RBMS3: variants seen among roughly 807,000 people sequenced by gnomAD.
The protein encoded by RBMS3 is RNA binding motif single stranded interacting protein 3, also known as RNA-binding motif, single-stranded-interacting protein 3.
In RBMS3, 27 loss-of-function variants were observed where a neutral mutation model predicts 66.8. The ratio of observed to expected loss-of-function variants is 0.40; its 90% confidence interval spans 0.30 to 0.56. The LOEUF is 0.56. RBMS3 is among the 20% of genes least tolerant of loss of function. The pLI, the probability that RBMS3 is intolerant of heterozygous loss-of-function variation, is 0.40. For synonymous variants in RBMS3, 188 were observed against 183.0 expected (o/e 1.03, Z -0.22); for missense variants, 513 against 549.5 (o/e 0.93, Z 0.66).
chr3:29,936,239 CAGATGTGAT>C, intron 11 of RBMS3, 43 bp downstream of exon 11: 1 of 1,540,932 alleles, frequency 6.5e-7, no homozygotes, highest in Non-Finnish European at 8.9e-7. Flanking sequence ...CTTTTTTGAT[CAGATGTGAT>C]ATTCTCCATT....
intron 3 of RBMS3, among the ~76,000 whole-genome samples, chr3:29,539,471 A>G (rs2045683379): frequency 6.6e-6 from 1 of 152,162 alleles, no homozygotes; most frequent in Admixed American, 6.5e-5. Flanking sequence ...TGTTCCATTT[A>G]CCAGCCCTTG....
intron 6 of RBMS3, among the ~76,000 whole-genome samples, chr3:29,782,896 G>T (rs1332913622): frequency 6.6e-6 from 1 of 152,030 alleles, no homozygotes; most frequent in African/African-American, 2.4e-5. Flanking sequence ...GCACTAGAAA[G>T]TCTCAGCAAT....
At chr3:29,426,441 G>T (rs1302546382) in intron 1 of RBMS3, among the ~76,000 whole-genome samples, 1 of 152,112 alleles carries the variant, frequency 6.6e-6, no homozygotes, top group African/African-American at 2.4e-5. Flanking sequence ...CCTCTGAATA[G>T]AATTCAATGA....
chr3:29,833,912 A>G (rs2058437342), intron 6 of RBMS3, among the ~76,000 whole-genome samples: 1 of 152,126 alleles, frequency 6.6e-6, no homozygotes, highest in African/African-American at 2.4e-5. Context: ...AAAGACAAAG[A>G]GAATTTTGAA....
At chr3:29,479,418 G>C (rs965856082) in intron 2 of RBMS3, among the ~76,000 whole-genome samples, 1 of 151,814 alleles carries the variant, frequency 6.6e-6, no homozygotes, top group African/African-American at 2.4e-5. Context: ...ATTTAAAGAT[G>C]TTCATGGAGG....
chr3:29,785,299 A>T (rs1332330678), intron 6 of RBMS3, among the ~76,000 whole-genome samples: 1 of 152,204 alleles, frequency 6.6e-6, no homozygotes, highest in East Asian at 1.9e-4. Flanking sequence ...CCAACAGCTT[A>T]TCAAAAAGAT....
At chr3:29,910,950 C>T (rs1174893070) in intron 10 of RBMS3, among the ~76,000 whole-genome samples, 15 of 152,110 alleles carry the variant, frequency 9.9e-5, no homozygotes, top group African/African-American at 2.9e-4. Flanking sequence ...AGGAATTAAA[C>T]GTACATTTTT....
chr3:29,604,874 A>G (rs540359254), intron 4 of RBMS3, among the ~76,000 whole-genome samples: 1 of 152,072 alleles, frequency 6.6e-6, no homozygotes, highest in African/African-American at 2.4e-5. Context: ...TTTGTCTACC[A>G]GCATATCTTT....
intron 5 of RBMS3, among the ~76,000 whole-genome samples, chr3:29,757,867 A>C (rs2055495432): frequency 6.6e-6 from 1 of 152,142 alleles, no homozygotes; most frequent in Admixed American, 6.5e-5. Context: ...GATTTTGCCA[A>C]CTTTTTTATT....
At chr3:29,925,149 C>G in intron 10 of RBMS3, 2 of 152,270 alleles carry the variant, frequency 1.3e-5, no homozygotes, top group East Asian at 3.9e-4. Flanking sequence ...TTTTTTAAAA[C>G]TTTAATTTTT....
intron 6 of RBMS3, among the ~76,000 whole-genome samples, chr3:29,832,804 G>A (rs571456782): frequency 3.3e-5 from 5 of 152,208 alleles, no homozygotes; most frequent in African/African-American, 1.2e-4. Context: ...AACTACTTAG[G>A]AGGCCTTGCC....
At chr3:29,740,442 CAG>C (rs2054585637) in intron 5 of RBMS3, among the ~76,000 whole-genome samples, 1 of 151,092 alleles carries the variant, frequency 6.6e-6, no homozygotes, top group African/African-American at 2.4e-5. Flanking sequence ...TTAGGCAGAA[CAG>C]GGGAAAAAAA....
intron 1 of RBMS3, among the ~76,000 whole-genome samples, chr3:29,345,882 G>A (rs1390340877): frequency 6.6e-6 from 1 of 152,206 alleles, no homozygotes; most frequent in African/African-American, 2.4e-5. Context: ...CCCCCAGACT[G>A]TACAAATGGC....
intron 6 of RBMS3, among the ~76,000 whole-genome samples, chr3:29,801,657 T>G (rs1185566778): frequency 2.6e-5 from 4 of 152,218 alleles, no homozygotes; most frequent in Admixed American, 2.0e-4. Flanking sequence ...TAAGTTTTTC[T>G]CTGCCATAAA....
At chr3:29,936,580 G>A (rs2061270572) in intron 11 of RBMS3, among the ~76,000 whole-genome samples, 1 of 151,984 alleles carries the variant, frequency 6.6e-6, no homozygotes, top group Non-Finnish European at 1.5e-5. Flanking sequence ...TTATTAGCAG[G>A]TTATACACAA....
chr3:29,527,549 C>T (rs1417709960), intron 3 of RBMS3, among the ~76,000 whole-genome samples: 43 of 152,176 alleles, frequency 2.8e-4, no homozygotes, highest in Admixed American at 2.8e-3. Flanking sequence ...GTACACTTTT[C>T]ATGTTCTGCA....
chr3:29,952,578 C>T (rs1415039159), intron 12 of RBMS3, among the ~76,000 whole-genome samples: 1 of 151,752 alleles, frequency 6.6e-6, no homozygotes, highest in Admixed American at 6.6e-5. Context: ...ACTATATACA[C>T]ATTTTTTTTA....
chr3:29,949,950 A>T (rs951163207), intron 12 of RBMS3, among the ~76,000 whole-genome samples: 2 of 151,778 alleles, frequency 1.3e-5, no homozygotes, highest in African/African-American at 4.8e-5. Flanking sequence ...TATATTTGAC[A>T]TCTTTGTCAC....
At chr3:29,982,509 G>A (rs565740036) in intron 12 of RBMS3, among the ~76,000 whole-genome samples, 1 of 152,166 alleles carries the variant, frequency 6.6e-6, no homozygotes, top group South Asian at 2.1e-4. Context: ...TGTGACGTTA[G>A]GGTGTCGATT....
Sources: gnomAD v4.1 joint callset for allele counts (sites outside exome capture counted in the v4.1 genomes callset) on GRCh38, gnomAD v4.1.1 for gene constraint, MANE v1.5 for transcripts, NCBI Gene and HGNC (gene_info 2026-07-23, HGNC 2026-07-21) for gene names.